ZNF536: variants seen among roughly 807,000 people sequenced by gnomAD.
ZNF536 encodes zinc finger protein 536.
In ZNF536, 13 loss-of-function variants were observed where a neutral mutation model predicts 84.5. That is an observed-to-expected ratio of 0.15 (90% CI 0.10 to 0.24). ZNF536 has a LOEUF of 0.24. ZNF536 is among the 10% of genes least tolerant of loss of function. The probability of loss-of-function intolerance (pLI) is 1.00; values close to 1 mark genes in which losing one functional copy is unlikely to be tolerated. For synonymous variants in ZNF536, 811 were observed against 742.5 expected, an observed-to-expected ratio of 1.09 and a Z score of -1.50; for missense variants, 1,536 against 1,747.5, an observed-to-expected ratio of 0.88 and a Z score of 2.16.
intron 2 of ZNF536, among the ~76,000 whole-genome samples, chr19:30,503,497 CT>C (rs912093859): frequency 1.2e-4 from 19 of 152,304 alleles, no homozygotes; most frequent in African/African-American, 3.8e-4. Context: ...AAGAAGTGGG[CT>C]ACAAAACAGC....
intron 2 of ZNF536, among the ~76,000 whole-genome samples, chr19:30,510,673 G>A (rs1294333164): frequency 6.6e-6 from 1 of 152,210 alleles, no homozygotes; most frequent in Non-Finnish European, 1.5e-5. Context: ...TTGCAAGGAA[G>A]CAGACATCAG....
Position 30,644,635 on chromosome 19 carries a change from C to T in ZNF536, c.170-66122C>T, listed in dbSNP as rs375892549. Among the ~76,000 whole-genome samples, 55 of 152,140 alleles carry T rather than the reference C, an allele frequency of 3.6e-4. No individual in the cohort carries two copies. In the South Asian group the frequency reaches 9.4e-3, roughly 26 times the overall value. ...TGCGGTGTTTGGTTTTTTGTCCTTG[C>T]GATAGTTTGCTGAGAATGATGGTTT... On this transcript the variant is annotated intron_variant, in intron 1 of 1. Coordinates refer to the ZNF536 transcript ENST00000592773.
In ZNF536 at chr19:30,269,420, G is replaced by A. The variant is rs76237575; in HGVS notation, c.-189-14652G>A. On this transcript the variant is annotated intron_variant, in intron 1 of 5. Coordinates refer to the ZNF536 transcript ENST00000585628. ...AGGGAGAGTTACGTACAGGCAGGGA[G>A]GGGGAGAGAATCCTACAATTTGTGG... 7.2e-5 allele frequency among the ~76,000 whole-genome samples: 11 copies of A among 152,274 alleles called. No homozygotes were observed. The East Asian group carries it at 7.7e-4, about 11-fold the overall frequency.
intron 1 of ZNF536, among the ~76,000 whole-genome samples, chr19:30,250,655 G>A (rs2024554416): frequency 6.6e-6 from 1 of 152,188 alleles, no homozygotes; most frequent in Non-Finnish European, 1.5e-5. Context: ...TTTGGAATCT[G>A]AGAGCTGAGT....
At chr19:30,306,617 G>A (rs542665730) in intron 2 of ZNF536, among the ~76,000 whole-genome samples, 27 of 152,302 alleles carry the variant, frequency 1.8e-4, no homozygotes, top group African/African-American at 6.5e-4. Flanking sequence ...TGAAAAGTTG[G>A]TTATAAGTTT....
chr19:30,246,969 G>T (rs1253473871), intron 1 of ZNF536, among the ~76,000 whole-genome samples: 1 of 152,194 alleles, frequency 6.6e-6, no homozygotes, highest in Non-Finnish European at 1.5e-5. Context: ...CCTTGGCGTT[G>T]TGATTCTTGG....
At chr19:30,301,010 C>G (rs904597382) in intron 2 of ZNF536, among the ~76,000 whole-genome samples, 4 of 152,154 alleles carry the variant, frequency 2.6e-5, no homozygotes, top group African/African-American at 4.8e-5. Flanking sequence ...CTTTCCAGCT[C>G]AGTGATTCCA....
At chr19:30,417,652 A>T (rs2050790786) in intron 1 of ZNF536, among the ~76,000 whole-genome samples, 1 of 152,220 alleles carries the variant, frequency 6.6e-6, no homozygotes, top group South Asian at 2.1e-4. Context: ...GAACTTCCAT[A>T]ACAATATTTA....
At chr19:30,670,345 G>A (rs2147714172) in intron 1 of ZNF536, among the ~76,000 whole-genome samples, 1 of 152,346 alleles carries the variant, frequency 6.6e-6, no homozygotes, top group East Asian at 1.9e-4. Flanking sequence ...AGTGGCCTTG[G>A]AAAACTGTGG....
intron 1 of ZNF536, among the ~76,000 whole-genome samples, chr19:30,389,981 G>A (rs2049511093): frequency 6.6e-6 from 1 of 152,174 alleles, no homozygotes; most frequent in Non-Finnish European, 1.5e-5. Context: ...ATGGCTGCTG[G>A]GATCCCAACT....
intron 1 of ZNF536, among the ~76,000 whole-genome samples, chr19:30,432,885 A>T (rs2051539884): frequency 6.6e-6 from 1 of 152,170 alleles, no homozygotes. Flanking sequence ...CTGACTGGAT[A>T]GTCTTAGGAC....
intron 1 of ZNF536, among the ~76,000 whole-genome samples, chr19:30,436,714 A>T (rs1375205007): frequency 1.3e-5 from 2 of 152,204 alleles, no homozygotes; most frequent in Non-Finnish European, 2.9e-5. Context: ...ATTCTAGGTG[A>T]AATTGTCTTA....
Position 30,602,013 on chromosome 19 carries a change from C to T in ZNF536, c.169+52499C>T, listed in dbSNP as rs1294138243. The stretch of plus-strand genomic sequence containing the variant: ...GGAAGCAAGGTCCACTCATTCCCAA[C>T]TTGCCTCCAGGCAGGAGATTCAAGC... On this transcript the variant is annotated intron_variant, in intron 1 of 1. Coordinates refer to the ZNF536 transcript ENST00000592773. 2.6e-5 allele frequency among the ~76,000 whole-genome samples: 4 copies of T among 152,386 alleles called. No homozygotes were observed. In the East Asian group the frequency reaches 5.8e-4, roughly 22 times the overall value.
chr19:30,620,887 G>A (rs1178959792), intron 1 of ZNF536, among the ~76,000 whole-genome samples: 4 of 151,178 alleles, frequency 2.6e-5, no homozygotes, highest in African/African-American at 9.7e-5. Context: ...AAAAAAAATT[G>A]AAAAGTCTGA....
At chr19:30,569,244 T>C (rs1193078427) in intron 1 of ZNF536, among the ~76,000 whole-genome samples, 4 of 152,174 alleles carry the variant, frequency 2.6e-5, no homozygotes, top group African/African-American at 9.7e-5. Context: ...AATTTTATGA[T>C]ACCCTGGTGA....
intron 1 of ZNF536, among the ~76,000 whole-genome samples, chr19:30,435,126 T>C (rs532640527): frequency 2.6e-5 from 4 of 151,742 alleles, no homozygotes; most frequent in Non-Finnish European, 5.9e-5. Context: ...ATGGTGATGA[T>C]GATGCTGATG....
At chr19:30,678,645 A>G (rs996152439) in intron 1 of ZNF536, among the ~76,000 whole-genome samples, 2 of 152,202 alleles carry the variant, frequency 1.3e-5, no homozygotes, top group African/African-American at 4.8e-5. Context: ...CTGGACTCCT[A>G]GAGCCAAGCA....
intron 1 of ZNF536, among the ~76,000 whole-genome samples, chr19:30,441,152 C>T (rs1308230482): frequency 2.6e-5 from 4 of 152,160 alleles, no homozygotes; most frequent in Non-Finnish European, 5.9e-5. Flanking sequence ...GGCGTCAGCT[C>T]ATCAGCAGCA....
rs189612591 is a variant in ZNF536 at position 30,575,070 on chromosome 19, G to A, written c.169+25556G>A. On this transcript the variant is annotated intron_variant, in intron 1 of 1. Coordinates refer to the ZNF536 transcript ENST00000592773. ...TCCACTCCTTGTTGTCTGTGCAGGG[G>A]ATTACTGAGTTGTCAGGAAACATGG... 1.6e-3 allele frequency among the ~76,000 whole-genome samples: 243 copies of A among 152,288 alleles called. 1 individual carries two copies. The highest frequency in any genetic ancestry group is 6.8e-3 in the Middle Eastern group (2 of 294).
Sources: gnomAD v4.1 joint callset for allele counts (sites outside exome capture counted in the v4.1 genomes callset) on GRCh38, gnomAD v4.1.1 for gene constraint, MANE v1.5 for transcripts, NCBI Gene and HGNC (gene_info 2026-07-23, HGNC 2026-07-21) for gene names.